TMC7: variants seen among roughly 807,000 people sequenced by gnomAD.
The protein encoded by TMC7 is transmembrane channel like 7, also known as transmembrane channel-like protein 7.
TMC7 carries 54 observed loss-of-function variants against 82.9 expected under a neutral mutation model. The observed-to-expected ratio is 0.65, with a 90% confidence interval of 0.52 to 0.82. The LOEUF (loss-of-function observed/expected upper bound fraction) is 0.82, where lower values mean the gene tolerates loss of function less well. Among genes scored for constraint, TMC7 ranks in the 40% least tolerant of loss-of-function variants. The probability of loss-of-function intolerance (pLI) is 0.00; values close to 1 mark genes in which losing one functional copy is unlikely to be tolerated. For missense variants in TMC7, 820 were observed against 901.2 expected, an observed-to-expected ratio of 0.91 and a Z score of 1.15; for synonymous variants, 350 against 337.9, an observed-to-expected ratio of 1.04 and a Z score of -0.39.
At position 19,062,043 on chromosome 16, in the gene TMC7, A is replaced by C. The variant is rs1390836846; in HGVS notation, c.*200A>C. The stretch of plus-strand genomic sequence containing the variant: ...TTCAGTGACTTAGAAAAGCAGGGGA[A>C]ACCCAAGGCTTTGCCTGCAGACCGG... On this transcript the variant is annotated 3_prime_UTR_variant, in exon 16 of 16. Transcript: ENST00000304381. 2.4e-6 allele frequency: 1 copy of C among 423,660 alleles called. No individual in the cohort carries two copies. Among genetic ancestry groups the C allele is most frequent in the East Asian group, 3.5e-5 (1 of 28,690 alleles). The allele number at this position is 423,660 out of a possible 1,614,324, so 26.2% of individuals were successfully genotyped here.
At chr16:19,025,466 A>T (rs1194332610) in intron 5 of TMC7, among the ~76,000 whole-genome samples, 2 of 151,886 alleles carry the variant, frequency 1.3e-5, no homozygotes, top group African/African-American at 2.4e-5. Context: ...TAAAAATGCA[A>T]AAATTATCCA....
chr16:19,008,838 GA>G lies in TMC7; in HGVS notation c.68-333del, dbSNP rs544642931. Among the ~76,000 whole-genome samples, 60 of 152,234 alleles carry G rather than the reference GA, an allele frequency of 3.9e-4. No individual in the cohort carries two copies. In the East Asian group the frequency reaches 7.1e-3, roughly 18 times the overall value. On this transcript the variant is annotated intron_variant, in intron 1 of 15. Coordinates refer to ENST00000304381, the MANE Select transcript of TMC7 (RefSeq NM_024847.4). ...GGAGCAAATATTACCAGCCCCATTT[GA>G]CAGATATTTAAAATATTTAAAACTT...
At chr16:19,023,718 G>T (rs1238163051) in intron 5 of TMC7, among the ~76,000 whole-genome samples, 1 of 152,170 alleles carries the variant, frequency 6.6e-6, no homozygotes, top group Admixed American at 6.6e-5. Flanking sequence ...AAGTACTGGG[G>T]TTATAGGCGT....
intron 1 of TMC7, among the ~76,000 whole-genome samples, chr16:19,006,055 A>T (rs1461893972): frequency 6.6e-6 from 1 of 152,162 alleles, no homozygotes; most frequent in South Asian, 2.1e-4. Flanking sequence ...GCCCCTGCCC[A>T]TCCTCATCCG....
rs1159486783 is a variant in TMC7 at position 19,062,594 on chromosome 16, C to G, written c.*751C>G. 2.0e-5 allele frequency: 3 copies of G among 152,506 alleles called. No homozygotes were observed. Among genetic ancestry groups the G allele is most frequent in the African/African-American group, 7.2e-5 (3 of 41,410 alleles). The allele number at this position is 152,506 out of a possible 1,614,324, so 9.4% of individuals were successfully genotyped here. On this transcript the variant is annotated 3_prime_UTR_variant, in exon 16 of 16. Transcript: ENST00000304381. ...TGAGCTGAGATCACACCATTGCACT[C>G]CAGCCTGGGCAAAAAGAGCAAAACT...
At chr16:19,024,282 G>A (rs780633025) in intron 5 of TMC7, among the ~76,000 whole-genome samples, 246 of 152,168 alleles carry the variant, frequency 1.6e-3, no homozygotes, top group Non-Finnish European at 2.0e-3. Flanking sequence ...TTAGCTGGGC[G>A]TGGTGGCGTG....
intron 2 of TMC7, among the ~76,000 whole-genome samples, chr16:19,010,401 G>A (rs557859086): frequency 7.7e-4 from 117 of 152,080 alleles, no homozygotes; most frequent in Middle Eastern, 3.4e-3. Flanking sequence ...TGATCCGCCC[G>A]CCTTGGCCTC....
Position 19,061,847 on chromosome 16 carries a change from G to C in TMC7, c.*4G>C, listed in dbSNP as rs1181695604. ...CCAAAGGGACATGAGGAACTAACTAGACTGAGCGTGAAGATGGTGCTGCCT... is the reference window on the plus strand; with the variant it reads ...CCAAAGGGACATGAGGAACTAACTACACTGAGCGTGAAGATGGTGCTGCCT... On this transcript the variant is annotated 3_prime_UTR_variant, in exon 16 of 16. Coordinates refer to ENST00000304381, the MANE Select transcript of TMC7 (RefSeq NM_024847.4). 6.2e-7 allele frequency: 1 copy of C among 1,612,904 alleles called. No homozygotes were observed. The highest frequency in any genetic ancestry group is 1.3e-5 in the African/African-American group (1 of 74,900).
At chr16:18,984,432 C>G in intron 1 of TMC7, 4 of 1,207,928 alleles carry the variant, frequency 3.3e-6, no homozygotes, top group Non-Finnish European at 4.1e-6. Flanking sequence ...ATAGCCTCAT[C>G]TGCTGTTAAA....
intron 1 of TMC7, among the ~76,000 whole-genome samples, chr16:19,001,731 C>T (rs765176196): frequency 3.9e-5 from 6 of 152,042 alleles, no homozygotes; most frequent in Non-Finnish European, 8.8e-5. Flanking sequence ...TGAGTGAGTG[C>T]GGTGGAGTGG....
intron 5 of TMC7, among the ~76,000 whole-genome samples, chr16:19,027,917 G>A (rs967443490): frequency 3.9e-5 from 6 of 152,084 alleles, no homozygotes; most frequent in African/African-American, 1.4e-4. Context: ...AGAATTTATA[G>A]AGTAAAAAAT....
intron 6 of TMC7, among the ~76,000 whole-genome samples, chr16:19,033,123 C>T (rs1486676645): frequency 6.6e-6 from 1 of 152,110 alleles, no homozygotes; most frequent in Non-Finnish European, 1.5e-5. Flanking sequence ...CAGAGACCAT[C>T]GCTGGAATGC....
At chr16:19,026,159 T>C (rs1960215669) in intron 5 of TMC7, among the ~76,000 whole-genome samples, 1 of 143,160 alleles carries the variant, frequency 7.0e-6, no homozygotes, top group Non-Finnish European at 1.5e-5. Flanking sequence ...GGTGTTCAAA[T>C]GTCTACTATG....
rs1489070410 is a variant in TMC7 at position 19,023,057 on chromosome 16, CAGGTTAT to C, written c.629-53_629-47del. On this transcript the variant is annotated intron_variant, in intron 4 of 15. Transcript: ENST00000304381. ...CAAACAAACAAACAAAAAAACCAGG[CAGGTTAT>C]AGAGACTAAAACTGTTTCCACTGAC... The C allele has an allele frequency of 2.4e-5, 26 of 1,061,992 alleles. No individual in the cohort carries two copies. The East Asian group carries it at 6.4e-4, about 26-fold the overall frequency. 65.8% of individuals were successfully genotyped at this position (1,061,992 alleles called of 1,614,324 possible).
intron 5 of TMC7, among the ~76,000 whole-genome samples, chr16:19,028,037 A>G (rs1461861865): frequency 1.6e-4 from 24 of 152,170 alleles, no homozygotes; most frequent in Admixed American, 1.6e-3. Context: ...ATATTTCATA[A>G]TATGGATTTT....
At chr16:18,984,323 T>A (rs989106517) in intron 1 of TMC7, 193 bp downstream of exon 1, 4 of 1,304,912 alleles carry the variant, frequency 3.1e-6, no homozygotes, top group Admixed American at 8.5e-5. Context: ...CGCGTCCTCA[T>A]CCAATCCAGT....
rs144721899 is a variant in TMC7 at position 18,993,889 on chromosome 16, A to G, written c.67+9759A>G. Among the ~76,000 whole-genome samples the G allele has an allele frequency of 3.3e-3, 500 of 152,280 alleles. 3 individuals are homozygous for G. The highest frequency in any genetic ancestry group is 0.012 in the African/African-American group (483 of 41,558). ...GGAGGGGGGCAGAGTGGTAGCCTCA[A>G]TGATAGATGTGGAAGATACTATAGC... is the stretch of plus-strand genomic sequence containing the variant. On this transcript the variant is annotated intron_variant, in intron 1 of 15. Coordinates refer to ENST00000304381, the MANE Select transcript of TMC7 (RefSeq NM_024847.4).
chr16:19,028,998 AT>A (rs541537357), intron 5 of TMC7, among the ~76,000 whole-genome samples: 17 of 142,488 alleles, frequency 1.2e-4, no homozygotes, highest in East Asian at 2.1e-4. Context: ...GTTTTATTTT[AT>A]TTTATTTATT....
intron 2 of TMC7, among the ~76,000 whole-genome samples, chr16:19,016,187 C>G (rs1157245913): frequency 6.6e-6 from 1 of 152,018 alleles, no homozygotes; most frequent in East Asian, 1.9e-4. Context: ...ACCTCCGCCT[C>G]CCAGAGGTTC....
Sources: gnomAD v4.1 joint callset for allele counts (sites outside exome capture counted in the v4.1 genomes callset) on GRCh38, gnomAD v4.1.1 for gene constraint, MANE v1.5 for transcripts, NCBI Gene and HGNC (gene_info 2026-07-23, HGNC 2026-07-21) for gene names.